PAK1: variants seen among roughly 807,000 people sequenced by gnomAD.
The protein encoded by PAK1 is p21 (RAC1) activated kinase 1.
Under a neutral mutation model 67.4 loss-of-function variants are expected in PAK1, and 29 were observed. The ratio of observed to expected loss-of-function variants is 0.43; its 90% CI spans 0.32 to 0.59. PAK1 has a LOEUF of 0.59. PAK1 is among the 20% of genes least tolerant of loss of function. The pLI is 0.07. For synonymous variants in PAK1, 223 were observed against 237.4 expected, an observed-to-expected ratio of 0.94 and a Z score of 0.56; for missense variants, 337 against 670.7, an observed-to-expected ratio of 0.50 and a Z score of 5.50.
At chr11:77,414,150 T>A (rs557716748) in intron 1 of PAK1, among the ~76,000 whole-genome samples, 1 of 152,334 alleles carries the variant, frequency 6.6e-6, no homozygotes, top group South Asian at 2.1e-4. Context: ...CTTGCAACTA[T>A]GTATGTATGT....
chr11:77,342,567 A>G (rs561037637), intron 10 of PAK1, among the ~76,000 whole-genome samples: 1 of 152,324 alleles, frequency 6.6e-6, no homozygotes, highest in Admixed American at 6.5e-5. Flanking sequence ...GTTCTGAAAG[A>G]GATGATAAGG....
At chr11:77,438,740 G>A (rs189018227) in intron 1 of PAK1, among the ~76,000 whole-genome samples, 13 of 152,318 alleles carry the variant, frequency 8.5e-5, no homozygotes, top group Admixed American at 8.5e-4. Context: ...TTCTGTCACA[G>A]AACCTCTGTG....
At chr11:77,397,891 G>A (rs558651528) in intron 1 of PAK1, among the ~76,000 whole-genome samples, 1 of 152,208 alleles carries the variant, frequency 6.6e-6, no homozygotes. Context: ...GCAATTTATA[G>A]GTAGAGTAGG....
chr11:77,355,168 T>C (rs1945831804), intron 7 of PAK1, among the ~76,000 whole-genome samples: 2 of 152,080 alleles, frequency 1.3e-5, no homozygotes, highest in African/African-American at 4.8e-5. Context: ...AATAAGAGAA[T>C]TAAATTTAAA....
At chr11:77,489,506 C>T in the PAK1 span, among the ~76,000 whole-genome samples, 1 of 152,058 alleles carries the variant, frequency 6.6e-6, no homozygotes, top group African/African-American at 2.4e-5. Flanking sequence ...CAAGCCGAAG[C>T]TGGACTGTAC....
chr11:77,353,456 CA>C (rs201854503), intron 8 of PAK1, 79 bp downstream of exon 8: 1,140 of 960,546 alleles, frequency 1.2e-3, no homozygotes, highest in Non-Finnish European at 1.4e-3. Context: ...TTATGAGAGG[CA>C]AAAAAAAAGC....
intron 1 of PAK1, chr11:77,396,906 T>G (rs1044383719): frequency 6.6e-6 from 1 of 152,246 alleles, no homozygotes; most frequent in African/African-American, 2.4e-5. Flanking sequence ...ATTTTGTATA[T>G]CTACACTCAT....
Position 77,322,943 on chromosome 11 carries a change from G to A in PAK1, c.*331C>T. On this transcript the variant is annotated 3_prime_UTR_variant, in exon 15 of 15. Coordinates refer to ENST00000356341, the MANE Select transcript of PAK1 (RefSeq NM_002576.5). ...AAATTTATATAGTCAAGAATTAATT[G>A]TGGGAGATGGTTATGAAGGAGGTGA... is the stretch of plus-strand genomic sequence containing the variant. The A allele has an allele frequency of 1.7e-6, 1 of 584,084 alleles. No individual in the cohort carries two copies. Among genetic ancestry groups the A allele is most frequent in the South Asian group, 2.2e-5 (1 of 45,004 alleles). The allele number at this position is 584,084 out of a possible 1,614,324, so 36.2% of individuals were successfully genotyped here.
At chr11:77,325,313 G>A (rs766308227) in intron 14 of PAK1, 2 of 1,613,736 alleles carry the variant, frequency 1.2e-6, no homozygotes, top group Non-Finnish European at 1.7e-6. Context: ...CTGAAATCCT[G>A]GATCTGCTAC....
chr11:77,335,645 T>A (rs546101261), intron 13 of PAK1, among the ~76,000 whole-genome samples: 1 of 152,286 alleles, frequency 6.6e-6, no homozygotes, highest in African/African-American at 2.4e-5. Flanking sequence ...AATGATCTGT[T>A]TAAAACATAA....
intron 2 of PAK1, among the ~76,000 whole-genome samples, chr11:77,381,972 T>C (rs947456923): frequency 6.6e-6 from 1 of 152,226 alleles, no homozygotes; most frequent in Non-Finnish European, 1.5e-5. Flanking sequence ...TCCATCTGTC[T>C]TTCTCATAGC....
At chr11:77,330,784 T>C (rs954280268) in intron 14 of PAK1, among the ~76,000 whole-genome samples, 2 of 151,950 alleles carry the variant, frequency 1.3e-5, no homozygotes, top group Non-Finnish European at 1.5e-5. Flanking sequence ...AATTGACAAA[T>C]GGGATCTAAT....
chr11:77,506,138 C>A, the PAK1 span, among the ~76,000 whole-genome samples: 1 of 152,166 alleles, frequency 6.6e-6, no homozygotes. Flanking sequence ...TTACAATGGG[C>A]CAGGCACTGT....
chr11:77,405,067 T>A (rs115186712), intron 1 of PAK1, among the ~76,000 whole-genome samples: 4,892 of 152,308 alleles, frequency 0.032, 133 homozygotes, highest in African/African-American at 0.074. Context: ...TAAGACCTCA[T>A]TTAAATGAGA....
chr11:77,341,969 A>G (rs1434352763), intron 10 of PAK1, among the ~76,000 whole-genome samples: 1 of 152,192 alleles, frequency 6.6e-6, no homozygotes, highest in Admixed American at 6.5e-5. Flanking sequence ...CTTTTGAGAG[A>G]GAAGACTATG....
At chr11:77,362,046 GT>G (rs916433784) in intron 5 of PAK1, among the ~76,000 whole-genome samples, 12 of 151,872 alleles carry the variant, frequency 7.9e-5, no homozygotes, top group African/African-American at 2.9e-4. Flanking sequence ...CTAATTTAAG[GT>G]TACTAACTTC....
chr11:77,452,906 T>C (rs1485575161), intron 1 of PAK1, among the ~76,000 whole-genome samples: 1 of 152,198 alleles, frequency 6.6e-6, no homozygotes, highest in Non-Finnish European at 1.5e-5. Context: ...CAGCCCTGCC[T>C]CACAGCAAAT....
chr11:77,514,434 G>A, the PAK1 span, among the ~76,000 whole-genome samples: 1 of 152,208 alleles, frequency 6.6e-6, no homozygotes, highest in African/African-American at 2.4e-5. Flanking sequence ...GGCAGAGGCT[G>A]CAGTGAACTG....
intron 14 of PAK1, 70 bp from the exon 15 acceptor site, chr11:77,323,430 A>G: frequency 9.8e-7 from 1 of 1,019,962 alleles, no homozygotes; most frequent in South Asian, 1.3e-5. Flanking sequence ...ATTACAAGAC[A>G]TAAAGGCATC....
Sources: gnomAD v4.1 joint callset for allele counts (sites outside exome capture counted in the v4.1 genomes callset) on GRCh38, gnomAD v4.1.1 for gene constraint, MANE v1.5 for transcripts, NCBI Gene and HGNC (gene_info 2026-07-23, HGNC 2026-07-21) for gene names.